TTC12: variants seen among roughly 807,000 people sequenced by gnomAD.
TTC12 encodes tetratricopeptide repeat protein 12.
A neutral mutation model predicts 90.1 loss-of-function variants in TTC12; 70 were observed. That is an observed-to-expected ratio of 0.78 (90% confidence interval 0.64 to 0.95). The LOEUF (loss-of-function observed/expected upper bound fraction) is 0.95, where lower values mean the gene tolerates loss of function less well. TTC12 is among the 40% of genes least tolerant of loss of function. The pLI, the probability that TTC12 is intolerant of heterozygous loss-of-function variation, is 0.00. For missense variants in TTC12, 819 were observed against 846.1 expected (o/e 0.97, Z 0.40); for synonymous variants, 296 against 311.5 (o/e 0.95, Z 0.53).
chr11:113,320,794 C>T (rs562352547), intron 2 of TTC12, among the ~76,000 whole-genome samples: 2 of 152,346 alleles, frequency 1.3e-5, no homozygotes, highest in South Asian at 4.1e-4. Context: ...TCCCCCTCCC[C>T]TCAGGGGTTT....
rs74520365 is a variant in TTC12 at position 113,346,066 on chromosome 11, G to A, written c.1154+1626G>A. Among the ~76,000 whole-genome samples the A allele has an allele frequency of 6.6e-3, 1,002 of 152,230 alleles. 11 individuals carry two copies. The highest frequency in any genetic ancestry group is 0.023 in the African/African-American group (935 of 41,542). ...CAGTTTGAAGCAAGACAGGGCTGCT[G>A]CACATAGCCCCTTGACCGTCACGGC... On this transcript the variant is annotated intron_variant, in intron 13 of 21. Coordinates refer to ENST00000529221, the MANE Select transcript of TTC12 (RefSeq NM_017868.4).
chr11:113,362,398 C>G lies in TTC12; in HGVS notation c.1615-3C>G, dbSNP rs1037485208. The G allele has an allele frequency of 6.2e-7, 1 of 1,609,942 alleles. No homozygotes were observed. The highest frequency in any genetic ancestry group is 1.7e-5 in the Admixed American group (1 of 60,006). On this transcript the variant is annotated splice_polypyrimidine_tract_variant and splice_region_variant and intron_variant, in intron 18 of 21. Transcript: ENST00000529221. ...TTAATTATCCTCTTTCTGCTGTACT[C>G]AGAGAGCTGCTGGTGTTCTGAGCCG... is the stretch of plus-strand genomic sequence containing the variant.
intron 21 of TTC12, among the ~76,000 whole-genome samples, chr11:113,372,739 G>A (rs754345743): frequency 5.3e-5 from 8 of 152,020 alleles, no homozygotes; most frequent in Non-Finnish European, 1.0e-4. Context: ...ACCATCCAAC[G>A]TAATCTGAGC....
Position 113,351,460 on chromosome 11 carries a change from T to A in TTC12, c.1308+161T>A, listed in dbSNP as rs543476843. On this transcript the variant is annotated intron_variant, in intron 15 of 21. Coordinates refer to ENST00000529221, the MANE Select transcript of TTC12 (RefSeq NM_017868.4). ...CACAATTCTCAGTTATTGAAACAGC[T>A]ACAGGAGGGACAGGTGGAGGTGGCA... 5.3e-5 allele frequency among the ~76,000 whole-genome samples: 8 copies of A among 152,352 alleles called. No individual in the cohort carries two copies. In the East Asian group the frequency reaches 9.6e-4, roughly 18 times the overall value.
intron 14 of TTC12, 140 bp from the exon 15 acceptor site, chr11:113,351,099 C>CT: frequency 3.1e-6 from 2 of 649,770 alleles, no homozygotes; most frequent in Non-Finnish European, 2.5e-6. Context: ...ATGCTTTTTT[C>CT]TTTTTTTGGT....
intron 2 of TTC12, among the ~76,000 whole-genome samples, chr11:113,321,110 G>A (rs190488971): frequency 1.0e-3 from 156 of 152,218 alleles, no homozygotes; most frequent in Non-Finnish European, 3.5e-4. Context: ...TAGGCTCTTC[G>A]TAGAAATCCA....
At chr11:113,335,521 A>G (rs1324349560) in intron 8 of TTC12, among the ~76,000 whole-genome samples, 5 of 152,186 alleles carry the variant, frequency 3.3e-5, no homozygotes, top group African/African-American at 1.2e-4. Flanking sequence ...CATCACCACA[A>G]TCAATTTTAA....
chr11:113,358,551 G>T (rs1949747624), intron 16 of TTC12, among the ~76,000 whole-genome samples: 1 of 152,182 alleles, frequency 6.6e-6, no homozygotes, highest in Admixed American at 6.5e-5. Flanking sequence ...TGTTTGATGG[G>T]CAAGACCACC....
intron 3 of TTC12, 52 bp downstream of exon 3, chr11:113,323,503 C>A: frequency 7.8e-7 from 1 of 1,279,226 alleles, no homozygotes; most frequent in Non-Finnish European, 1.0e-6. Context: ...AGAAGACCTA[C>A]ACCTAGGCAG....
chr11:113,359,847 C>A, intron 17 of TTC12, 93 bp from the exon 18 acceptor site: 1 of 970,346 alleles, frequency 1.0e-6, no homozygotes, highest in Non-Finnish European at 1.6e-6. Context: ...TGTGGTGGTG[C>A]TAAAAAGGAG....
chr11:113,330,229 T>A (rs1419411859), intron 7 of TTC12, among the ~76,000 whole-genome samples: 1 of 152,242 alleles, frequency 6.6e-6, no homozygotes, highest in African/African-American at 2.4e-5. Context: ...TTCAGCTCCT[T>A]CTTTACTATT....
At chr11:113,319,169 T>C (rs1315752078) in intron 2 of TTC12, among the ~76,000 whole-genome samples, 1 of 152,206 alleles carries the variant, frequency 6.6e-6, no homozygotes, top group East Asian at 1.9e-4. Flanking sequence ...TAATGTGCCA[T>C]GGTCTTTTTC....
At chr11:113,346,548 C>G (rs1211153723) in intron 13 of TTC12, among the ~76,000 whole-genome samples, 1 of 152,048 alleles carries the variant, frequency 6.6e-6, no homozygotes, top group Non-Finnish European at 1.5e-5. Flanking sequence ...GCTTCACATC[C>G]TTCTTTAAGA....
At chr11:113,352,235 G>T (rs1949339101) in intron 16 of TTC12, 28 bp downstream of exon 16, 2 of 1,613,810 alleles carry the variant, frequency 1.2e-6, no homozygotes, top group African/African-American at 2.7e-5. Context: ...TTCAAAATTG[G>T]TCTTTATCCT....
At chr11:113,345,406 C>CT (rs1248765311) in intron 13 of TTC12, among the ~76,000 whole-genome samples, 1 of 151,976 alleles carries the variant, frequency 6.6e-6, no homozygotes, top group Non-Finnish European at 1.5e-5. Flanking sequence ...CCCAACTAGG[C>CT]TGGCCCCCAG....
At chr11:113,354,824 A>G (rs1054808674) in intron 16 of TTC12, among the ~76,000 whole-genome samples, 5 of 152,184 alleles carry the variant, frequency 3.3e-5, no homozygotes, top group Admixed American at 3.3e-4. Context: ...ATTGTGATGG[A>G]TGAGCTTTTT....
chr11:113,321,243 A>G (rs1482139218), intron 2 of TTC12, among the ~76,000 whole-genome samples: 1 of 152,208 alleles, frequency 6.6e-6, no homozygotes, highest in Non-Finnish European at 1.5e-5. Context: ...TAACCCAGCA[A>G]GTGATGATAA....
chr11:113,340,806 A>G, intron 11 of TTC12, 73 bp downstream of exon 11: 1 of 1,280,474 alleles, frequency 7.8e-7, no homozygotes, highest in African/African-American at 1.5e-5. Flanking sequence ...ATCAGACACG[A>G]GGCACATAGA....
At chr11:113,346,545 A>C (rs531246116) in intron 13 of TTC12, among the ~76,000 whole-genome samples, 59 of 152,138 alleles carry the variant, frequency 3.9e-4, no homozygotes, top group Non-Finnish European at 6.9e-4. Flanking sequence ...CAAGCTTCAC[A>C]TCCTTCTTTA....
Sources: gnomAD v4.1 joint callset for allele counts (sites outside exome capture counted in the v4.1 genomes callset) on GRCh38, gnomAD v4.1.1 for gene constraint, MANE v1.5 for transcripts, NCBI Gene and HGNC (gene_info 2026-07-23, HGNC 2026-07-21) for gene names.